The following ATP2A3 variants were observed in gnomAD, a reference collection of about 807,000 sequenced individuals.
ATP2A3 encodes sarcoplasmic/endoplasmic reticulum calcium ATPase 3.
ATP2A3 carries 61 observed loss-of-function variants against 106.8 expected under a neutral mutation model. The observed-to-expected ratio is 0.57, with a 90% CI of 0.46 to 0.71. The LOEUF is 0.71. Ranked by LOEUF, ATP2A3 falls within the 30% of genes least tolerant of loss-of-function variation. ATP2A3 has a pLI of 0.00. For missense variants in ATP2A3, 1,201 were observed against 1,423.5 expected (o/e 0.84, Z 2.52); for synonymous variants, 611 against 609.3 (o/e 1.00, Z -0.04).
rs763005843 is a variant in ATP2A3, at chr17:3,950,521, A to G, written c.620T>C (p.Met207Thr). ...AGACATTTGACTTACAGAAAACAGC[A>G]TGTTCTTCTTGTCCTGGTTCACAGC... ...PRAVNQDKKN[M>T]LFSGTNITSG... Residue 207 changes from methionine (M) to threonine (T), a missense_variant, in exon 7 of 21, where the codon ATG (methionine) becomes ACG (threonine). This residue lies in a region of ATP2A3 where 935 missense variants were observed against 1,176.7 expected (regional missense o/e 0.79). Transcript: ENST00000397041. The G allele has an allele frequency of 5.6e-6, 9 of 1,614,102 alleles. No individual in the cohort carries two copies. Among genetic ancestry groups the G allele is most frequent in the Non-Finnish European group, 7.6e-6 (9 of 1,179,978 alleles).
intron 1 of ATP2A3, 29 bp downstream of exon 1, chr17:3,964,145 C>CCACGG: frequency 1.8e-6 from 2 of 1,105,958 alleles, no homozygotes; most frequent in Non-Finnish European, 2.2e-6. Context: ...GGCCCCCGCT[C>CCACGG]CCCGGCCCGG....
intron 5 of ATP2A3, among the ~76,000 whole-genome samples, chr17:3,951,005 C>T (rs1011930921): frequency 6.6e-5 from 10 of 151,840 alleles, no homozygotes; most frequent in Non-Finnish European, 1.2e-4. Flanking sequence ...GCCGGAATGA[C>T]GGAGGCACAG....
chr17:3,928,840 C>G lies in ATP2A3; in HGVS notation c.2863-60G>C. 2 of 1,374,386 alleles carry G rather than the reference C, an allele frequency of 1.5e-6. No homozygotes were observed. Among genetic ancestry groups the G allele is most frequent in the Non-Finnish European group, 2.0e-6 (2 of 991,298 alleles). 85.1% of individuals were successfully genotyped at this position (1,374,386 alleles called of 1,614,324 possible). On this transcript the variant is annotated intron_variant, in intron 19 of 20. Transcript: ENST00000397041. The surrounding 1 kb of genome is among the most constrained non-coding windows in gnomAD (Gnocchi z 6.1). ...AAGGACTGGCTGTCCCGTGCCCCAG[C>G]CATCTGCTGGCCTTATCCACCTGGG...
At chr17:3,944,876 GCCCC>G in intron 9 of ATP2A3, 70 bp from the exon 10 acceptor site, 1 of 888,530 alleles carries the variant, frequency 1.1e-6, no homozygotes, top group South Asian at 1.6e-5. Flanking sequence ...TCTTGGCCCC[GCCCC>G]TAGGAGGGGG....
Position 3,937,505 on chromosome 17 carries a change from C to G in ATP2A3, c.2232G>C (p.Val744=). 1.2e-6 allele frequency: 2 copies of G among 1,614,110 alleles called. No individual in the cohort carries two copies. Among genetic ancestry groups the G allele is most frequent in the Non-Finnish European group, 1.7e-6 (2 of 1,179,990 alleles). ...VLSDDNFASI[V]AAVEEGRAIY... ...TGGCCCGGCCCTCCTCCACCGCAGC[C>G]ACGATGGAGGCAAAGTTGTCATCTG... Residue 744 remains valine (V), a synonymous_variant, in exon 15 of 21, where the codon GTG becomes GTC. Transcript: ENST00000397041.
Position 3,924,682 on chromosome 17 carries a change from C to T in ATP2A3, c.*740G>A, listed in dbSNP as rs1024982139. The T allele has an allele frequency of 3.5e-5, 15 of 422,648 alleles. No individual in the cohort carries two copies. Among genetic ancestry groups the T allele is most frequent in the East Asian group, 8.7e-5 (1 of 11,464 alleles). 26.2% of individuals were successfully genotyped at this position (422,648 alleles called of 1,614,324 possible). ...CGGGGAACCCTGAGTCCAGGAGGCG[C>T]GCGGGGCTGAGGCAGTCCAGCCAGG... On this transcript the variant is annotated 3_prime_UTR_variant, in exon 21 of 21. Coordinates refer to ENST00000397041, the MANE Select transcript of ATP2A3 (RefSeq NM_005173.4). This position sits in a 1 kb window ranked among gnomAD's most constrained non-coding sequence, Gnocchi z 6.4.
chr17:3,952,214 A>G (rs2054488944), intron 3 of ATP2A3, among the ~76,000 whole-genome samples: 1 of 151,890 alleles, frequency 6.6e-6, no homozygotes, highest in African/African-American at 2.4e-5. Context: ...CCTCCCGGGT[A>G]GATGGGATTA....
Position 3,941,053 on chromosome 17 carries a change from G to A in ATP2A3, c.2018C>T (p.Ala673Val). 1 of 1,613,664 alleles carries A rather than the reference G, an allele frequency of 6.2e-7. No homozygotes were observed. The highest frequency in any genetic ancestry group is 8.5e-7 in the Non-Finnish European group (1 of 1,179,716). The change falls in exon 14 of 21, where the codon GCC becomes GTC. Residue 673 changes from alanine to valine, a missense_variant. Coordinates refer to ENST00000397041, the MANE Select transcript of ATP2A3 (RefSeq NM_005173.4). ...PEQQRQACRT[A>V]RCFARVEPAH... ...GGGCTCCACGCGGGCGAAGCAGCGG[G>A]CGGTGCGGCAGGCCTGGCGCTGCTG... is the stretch of plus-strand genomic sequence containing the variant.
Position 3,945,685 on chromosome 17 carries a change from C to T in ATP2A3, c.1096-537G>A, listed in dbSNP as rs553291984. On this transcript the variant is annotated intron_variant, in intron 8 of 20. Transcript: ENST00000397041. ...GCCTGCTGGGTCACTCAGCCCCCAC[C>T]TGTGCACCTCAGGAACAGGAGGCTT... 2.6e-5 allele frequency among the ~76,000 whole-genome samples: 4 copies of T among 152,366 alleles called. No individual in the cohort carries two copies. In the Middle Eastern group the frequency reaches 0.01, roughly 389 times the overall value.
Position 3,940,036 on chromosome 17 carries a change from TTTTTTTGTTTTTTG to T in ATP2A3, c.2100+921_2100+934del, listed in dbSNP as rs1302431716. 4.5e-3 allele frequency among the ~76,000 whole-genome samples: 523 copies of T among 116,102 alleles called. 37 individuals carry two copies. Among genetic ancestry groups the T allele is most frequent in the African/African-American group, 0.021 (487 of 23,652 alleles). 76.2% of individuals were successfully genotyped at this position (116,102 alleles called of 152,430 possible). On this transcript the variant is annotated intron_variant, in intron 14 of 20. Transcript: ENST00000397041. The stretch of plus-strand genomic sequence containing the variant: ...TTGATGGTAATGTGTCATATCTTTT[TTTTTTTGTTTTTTG>T]TTTTTTTTTTTTTTGGAGAGATGGG...
At chr17:3,950,248 G>A (rs547477343) in intron 7 of ATP2A3, among the ~76,000 whole-genome samples, 9 of 149,378 alleles carry the variant, frequency 6.0e-5, no homozygotes, top group South Asian at 2.1e-4. Context: ...TGCAACCTCC[G>A]CCTCCCGGGC....
In ATP2A3 at chr17:3,947,476, G is replaced by C; in HGVS notation, c.1010C>G (p.Pro337Arg). The C allele has an allele frequency of 6.2e-7, 1 of 1,613,774 alleles. No individual in the cohort carries two copies. The highest frequency in any genetic ancestry group is 8.5e-7 in the Non-Finnish European group (1 of 1,180,044). ...GGTGCAGCCCAGGGTCTCCACGGAC[G>C]GCAGGCTTCGCACGATGGCGTTCTT... ...ARKNAIVRSL[P>R]SVETLGCTSV... The change falls in exon 8 of 21, where the codon CCG becomes CGG. Residue 337 changes from proline to arginine, a missense_variant. Physicochemically the swap from Pro to Arg is moderately radical, Grantham distance 103. This residue lies in a region of ATP2A3 where 935 missense variants were observed against 1,176.7 expected (regional missense o/e 0.79). Transcript: ENST00000397041. The surrounding 1 kb of genome is among the most constrained non-coding windows in gnomAD (Gnocchi z 7.7).
rs1433761721 is a variant in ATP2A3, at chr17:3,925,934, C to T, written c.2981-493G>A. Reference sequence around the variant, plus strand: ...TTCTGCCCCTAGCATCAAGCAAAAGCCGAAATCCAGTCCCAACACCCCATT... The same window carrying T: ...TTCTGCCCCTAGCATCAAGCAAAAGTCGAAATCCAGTCCCAACACCCCATT... On this transcript the variant is annotated intron_variant, in intron 20 of 20. Transcript: ENST00000397041. This position sits in a 1 kb window ranked among gnomAD's most constrained non-coding sequence, Gnocchi z 4.2. Among the ~76,000 whole-genome samples the T allele has an allele frequency of 1.3e-5, 2 of 151,812 alleles. No individual in the cohort carries two copies. The highest frequency in any genetic ancestry group is 2.9e-5 in the Non-Finnish European group (2 of 67,940).
rs1410370415 is a variant in ATP2A3, at chr17:3,955,956, A to G, written c.119-2246T>C. 6.6e-6 allele frequency among the ~76,000 whole-genome samples: 1 copy of G among 150,390 alleles called. No individual in the cohort carries two copies. Among genetic ancestry groups the G allele is most frequent in the Admixed American group, 6.6e-5 (1 of 15,086 alleles). On this transcript the variant is annotated intron_variant, in intron 1 of 20. Transcript: ENST00000397041. The surrounding 1 kb of genome is among the most constrained non-coding windows in gnomAD (Gnocchi z 4.2). ...GAGCGCAGTGGCGGGATCTTGGCTTACTGCAACCTCCGCCTCCCAGGTTCA... is the reference window on the plus strand; with the variant it reads ...GAGCGCAGTGGCGGGATCTTGGCTTGCTGCAACCTCCGCCTCCCAGGTTCA...
chr17:3,925,527 A>C lies in ATP2A3; in HGVS notation c.2981-86T>G, dbSNP rs2052657669. ...TTCCTTCCAGCCCCTTCCATCCTCC[A>C]CTTCTCCCAGGACAGCCCCAGGCTC... On this transcript the variant is annotated intron_variant, in intron 20 of 20. Transcript: ENST00000397041. The surrounding 1 kb of genome is among the most constrained non-coding windows in gnomAD (Gnocchi z 4.2). 1 of 1,515,610 alleles carries C rather than the reference A, an allele frequency of 6.6e-7. No individual in the cohort carries two copies. The highest frequency in any genetic ancestry group is 8.9e-7 in the Non-Finnish European group (1 of 1,119,574). The allele number at this position is 1,515,610 out of a possible 1,614,324, so 93.9% of individuals were successfully genotyped here. A position where few individuals can be genotyped will look rare whatever the true frequency, so the allele number is the denominator to read the frequency against.
At chr17:3,963,449 T>C (rs887112135) in intron 1 of ATP2A3, among the ~76,000 whole-genome samples, 2 of 152,258 alleles carry the variant, frequency 1.3e-5, no homozygotes, top group Non-Finnish European at 2.9e-5. Flanking sequence ...ATGTGCCTTT[T>C]GGCAAGAGCA....
chr17:3,963,502 G>A (rs926003015), intron 1 of ATP2A3, among the ~76,000 whole-genome samples: 7 of 152,254 alleles, frequency 4.6e-5, no homozygotes, highest in Admixed American at 2.0e-4. Context: ...TGAAATGATA[G>A]TGAAGCCTCC....
chr17:3,936,471 T>G lies in ATP2A3; in HGVS notation c.2322-2A>C. On this transcript the variant is annotated splice_acceptor_variant, in intron 15 of 20. Transcript: ENST00000397041. LOFTEE classifies it high-confidence loss of function. The surrounding 1 kb of genome is among the most constrained non-coding windows in gnomAD (Gnocchi z 5.4). ...CCCAGAATTGCCGTGAGGAAGATGC[T>G]GGAACAGAGTCATGAGCTCTAGCCC... 6.2e-7 allele frequency: 1 copy of G among 1,613,908 alleles called. No individual in the cohort carries two copies. Among genetic ancestry groups the G allele is most frequent in the Non-Finnish European group, 8.5e-7 (1 of 1,180,016 alleles).
chr17:3,951,546 G>GGGCCCCCCC, intron 4 of ATP2A3, 35 bp downstream of exon 4: 3 of 1,319,566 alleles, frequency 2.3e-6, no homozygotes, highest in African/African-American at 1.6e-5. Context: ...CTGGGAGACC[G>GGGCCCCCCC]CCCCCCGCCC....
Sources: allele counts gnomAD v4.1 joint callset (sites outside exome capture counted in the v4.1 genomes callset), GRCh38; gene constraint gnomAD v4.1.1; regional missense constraint gnomAD v4.1.1; non-coding constraint Gnocchi (gnomAD v3.1); transcripts MANE v1.5; gene names NCBI Gene and HGNC (gene_info 2026-07-23, HGNC 2026-07-21).